DDX4: variants seen among roughly 807,000 people sequenced by gnomAD.
The protein encoded by DDX4 is probable ATP-dependent RNA helicase DDX4.
Under a neutral mutation model 100.0 loss-of-function variants are expected in DDX4, and 25 were observed. The ratio of observed to expected loss-of-function variants is 0.25; its 90% CI spans 0.18 to 0.35. The LOEUF (loss-of-function observed/expected upper bound fraction) is 0.35, where lower values mean the gene tolerates loss of function less well. DDX4 is among the 10% of genes least tolerant of loss of function. DDX4 has a pLI of 1.00. For synonymous variants in DDX4, 259 were observed against 275.7 expected, an observed-to-expected ratio of 0.94 and a Z score of 0.60; for missense variants, 635 against 882.4, an observed-to-expected ratio of 0.72 and a Z score of 3.55.
rs1196212749 is a variant in DDX4, at chr5:55,793,064, GT to G, written c.1469+259del. Among the ~76,000 whole-genome samples, 107 of 149,750 alleles carry G rather than the reference GT, an allele frequency of 7.1e-4. 1 individual carries two copies. Among genetic ancestry groups the G allele is most frequent in the East Asian group, 3.3e-3 (17 of 5,088 alleles). The stretch of plus-strand genomic sequence containing the variant: ...TGTGTGTGTGTGTGTGTTTGTGTGT[GT>G]TGTTGTTGTTGTTGCATAGAATCCA... On this transcript the variant is annotated intron_variant, in intron 17 of 21. Coordinates refer to ENST00000505374, the MANE Select transcript of DDX4 (RefSeq NM_024415.3).
intron 3 of DDX4, among the ~76,000 whole-genome samples, chr5:55,749,305 A>T (rs1759414268): frequency 6.6e-6 from 1 of 152,078 alleles, no homozygotes; most frequent in Non-Finnish European, 1.5e-5. Context: ...GGTGATGTGC[A>T]CCTGTAATCC....
In DDX4 at chr5:55,797,283, C is replaced by T. The variant is rs141539572; in HGVS notation, c.1470-1143C>T. 2.8e-3 allele frequency among the ~76,000 whole-genome samples: 420 copies of T among 152,296 alleles called. 1 individual carries two copies. Among genetic ancestry groups the T allele is most frequent in the African/African-American group, 8.1e-3 (335 of 41,554 alleles). On this transcript the variant is annotated intron_variant, in intron 17 of 21. Coordinates refer to ENST00000505374, the MANE Select transcript of DDX4 (RefSeq NM_024415.3). ...AAACATTAACTATTCTAACACTAAA[C>T]TGTAATTTTTCTTAATATATCTTTC...
At chr5:55,752,158 TATTTA>T (rs1759596109) in intron 3 of DDX4, among the ~76,000 whole-genome samples, 1 of 151,952 alleles carries the variant, frequency 6.6e-6, no homozygotes, top group Non-Finnish European at 1.5e-5. Context: ...ATTTTTATTT[TATTTA>T]TTTATTAATT....
intron 17 of DDX4, among the ~76,000 whole-genome samples, chr5:55,798,181 C>T (rs1238887614): frequency 2.0e-5 from 3 of 152,062 alleles, no homozygotes; most frequent in Non-Finnish European, 2.9e-5. Flanking sequence ...AGCAAATCCA[C>T]TTGTAATTAC....
At chr5:55,750,212 C>A in intron 3 of DDX4, 1 of 157,994 alleles carries the variant, frequency 6.3e-6, no homozygotes, top group Admixed American at 6.5e-5. Context: ...ACCATTGGTT[C>A]TGTGTACGTG....
At chr5:55,806,719 T>G (rs568463880) in intron 18 of DDX4, among the ~76,000 whole-genome samples, 1 of 152,344 alleles carries the variant, frequency 6.6e-6, no homozygotes, top group African/African-American at 2.4e-5. Flanking sequence ...TTCTTTAACA[T>G]TTGCTGAGGA....
chr5:55,784,331 GC>G (rs1742113795), intron 10 of DDX4, among the ~76,000 whole-genome samples: 1 of 152,154 alleles, frequency 6.6e-6, no homozygotes. Flanking sequence ...CCTTTCCTCT[GC>G]CTTTTTGTTC....
rs1561523276 is a variant in DDX4, at chr5:55,817,140, T to C, written c.*600T>C. ...CTTGAAATAAAGGATGAAACACTTT[T>C]CCCTTAAGTTTTCCATCAGCACTTT... On this transcript the variant is annotated 3_prime_UTR_variant, in exon 22 of 22. Transcript: ENST00000505374. 6.6e-6 allele frequency: 1 copy of C among 152,224 alleles called. No individual in the cohort carries two copies. Among genetic ancestry groups the C allele is most frequent in the Admixed American group, 6.5e-5 (1 of 15,282 alleles). 9.4% of individuals were successfully genotyped at this position (152,224 alleles called of 1,614,324 possible).
chr5:55,807,483 T>C (rs533223869), intron 18 of DDX4, among the ~76,000 whole-genome samples: 1 of 152,182 alleles, frequency 6.6e-6, no homozygotes, highest in Admixed American at 6.5e-5. Flanking sequence ...TCCATGTTTA[T>C]TGCTTCCTTC....
In DDX4 at chr5:55,813,695, T is replaced by C. The variant is rs575612253; in HGVS notation, c.1638T>C (p.Phe546=). 1.8e-5 allele frequency: 29 copies of C among 1,594,054 alleles called. 1 individual carries two copies. Among genetic ancestry groups the C allele is most frequent in the Middle Eastern group, 3.3e-4 (2 of 5,994 alleles). ...RNIGDERTMV[F]VETKKKADFI... ...TAGGGGATGAAAGAACTATGGTCTTTGTTGAAACTAAGAAAAAAGCAGATT... is the reference window on the plus strand; with the variant it reads ...TAGGGGATGAAAGAACTATGGTCTTCGTTGAAACTAAGAAAAAAGCAGATT... The change falls in exon 19 of 22, where the codon TTT becomes TTC. Residue 546 remains phenylalanine (F), a synonymous_variant. Coordinates refer to ENST00000505374, the MANE Select transcript of DDX4 (RefSeq NM_024415.3).
At chr5:55,777,709 A>G (rs1741653430) in intron 7 of DDX4, 1 of 152,274 alleles carries the variant, frequency 6.6e-6, no homozygotes. Flanking sequence ...TTACCTATGT[A>G]ACAAACCTGC....
At chr5:55,803,836 G>A (rs1304310699) in intron 18 of DDX4, among the ~76,000 whole-genome samples, 21 of 151,892 alleles carry the variant, frequency 1.4e-4, no homozygotes, top group Non-Finnish European at 2.4e-4. Flanking sequence ...CTTTGGGTAT[G>A]TACCCAGTAA....
chr5:55,808,884 C>T (rs541374610), intron 18 of DDX4, among the ~76,000 whole-genome samples: 2 of 152,326 alleles, frequency 1.3e-5, no homozygotes, highest in South Asian at 4.1e-4. Context: ...ATTCTGCTGC[C>T]TTTTGTTTGT....
At chr5:55,803,809 C>T (rs1244149149) in intron 18 of DDX4, among the ~76,000 whole-genome samples, 2 of 152,046 alleles carry the variant, frequency 1.3e-5, no homozygotes, top group Non-Finnish European at 2.9e-5. Context: ...GTCTTTATAG[C>T]AGCATGATTT....
intron 4 of DDX4, among the ~76,000 whole-genome samples, chr5:55,760,531 G>A (rs754986523): frequency 7.2e-5 from 11 of 152,220 alleles, no homozygotes; most frequent in South Asian, 4.1e-4. Flanking sequence ...ATGGATGGAT[G>A]ATTCACAGAG....
At chr5:55,781,391 G>A (rs1056915608) in intron 9 of DDX4, among the ~76,000 whole-genome samples, 1 of 152,168 alleles carries the variant, frequency 6.6e-6, no homozygotes, top group South Asian at 2.1e-4. Flanking sequence ...GAGGAATAAA[G>A]GATTCTGAGT....
intron 7 of DDX4, among the ~76,000 whole-genome samples, chr5:55,772,215 A>C (rs115455925): frequency 0.025 from 3,807 of 152,232 alleles, 64 homozygotes; most frequent in South Asian, 0.052. Flanking sequence ...CGTCTAAAAC[A>C]AAAAAAAGTA....
chr5:55,740,693 T>G (rs7721267), intron 2 of DDX4, among the ~76,000 whole-genome samples: 5 of 87,142 alleles, frequency 5.7e-5, no homozygotes, highest in Admixed American at 3.7e-4. Flanking sequence ...TTTTTTTTTG[T>G]ATTTTTAGTA....
intron 12 of DDX4, 113 bp from the exon 13 acceptor site, chr5:55,785,616 A>G: frequency 1.6e-6 from 2 of 1,255,730 alleles, no homozygotes; most frequent in Non-Finnish European, 2.3e-6. Flanking sequence ...AAAGGTAAGC[A>G]GTGGGAAGTT....
Sources: allele counts gnomAD v4.1 joint callset (sites outside exome capture counted in the v4.1 genomes callset), GRCh38; gene constraint gnomAD v4.1.1; transcripts MANE v1.5; gene names NCBI Gene and HGNC (gene_info 2026-07-23, HGNC 2026-07-21).